COX16: variants seen among roughly 807,000 people sequenced by gnomAD.
COX16 encodes cytochrome c oxidase assembly protein COX16 homolog, mitochondrial.
A neutral mutation model predicts 15.4 loss-of-function variants in COX16; 12 were observed. That is an observed-to-expected ratio of 0.78 (90% CI 0.50 to 1.26). COX16 has a LOEUF of 1.26. Among genes scored for constraint, COX16 ranks in the 50% most tolerant of loss-of-function variants. The pLI, the probability that COX16 is intolerant of heterozygous loss-of-function variation, is 0.00. For synonymous variants in COX16, 46 were observed against 41.1 expected, an observed-to-expected ratio of 1.12 and a Z score of -0.46; for missense variants, 124 against 127.6, an observed-to-expected ratio of 0.97 and a Z score of 0.14.
chr14:70,341,430 C>T (rs1886620220), intron 2 of COX16, among the ~76,000 whole-genome samples: 1 of 152,104 alleles, frequency 6.6e-6, no homozygotes, highest in African/African-American at 2.4e-5. Context: ...TAATAAAATA[C>T]ATATATTACT....
intron 1 of COX16, among the ~76,000 whole-genome samples, chr14:70,352,256 G>A (rs962607920): frequency 1.1e-4 from 16 of 152,152 alleles, no homozygotes; most frequent in South Asian, 6.2e-4. Context: ...GAGCGATCTC[G>A]GCTCACTGCA....
rs375988973 is a variant in COX16, at chr14:70,359,349, G to A, written c.69+170C>T. On this transcript the variant is annotated intron_variant, in intron 1 of 3. Transcript: ENST00000389912. ...GACAGCGGCGGGGAAGTGGGGGTGT[G>A]GAAAAGACTGGTGGAAGAGCTTTTA... The A allele has an allele frequency of 5.4e-4, 371 of 685,424 alleles. 1 individual carries two copies. In the African/African-American group the frequency reaches 6.0e-3, roughly 11 times the overall value. The allele number at this position is 685,424 out of a possible 1,614,324, so 42.5% of individuals were successfully genotyped here.
intron 3 of COX16, 37 bp downstream of exon 3, chr14:70,329,137 A>G (rs1769615207): frequency 1.0e-5 from 16 of 1,562,356 alleles, no homozygotes; most frequent in Non-Finnish European, 1.4e-5. Flanking sequence ...CCAGTAACTG[A>G]TTGTTATAAG....
intron 1 of COX16, among the ~76,000 whole-genome samples, chr14:70,346,448 G>C (rs1417392091): frequency 1.3e-5 from 2 of 152,170 alleles, no homozygotes; most frequent in African/African-American, 4.8e-5. Context: ...CCCAAATCCA[G>C]GTAAGCCCAC....
intron 2 of COX16, among the ~76,000 whole-genome samples, chr14:70,331,652 TTGGAGCCTTAACA>T (rs1283240050): frequency 1.3e-5 from 2 of 152,212 alleles, no homozygotes; most frequent in African/African-American, 4.8e-5. Flanking sequence ...TACAAAGTAT[TTGGAGCCTTAACA>T]ATAAATTGCT....
intron 1 of COX16, among the ~76,000 whole-genome samples, chr14:70,350,910 T>C (rs12879256): frequency 0.072 from 10,898 of 152,324 alleles, 555 homozygotes; most frequent in Non-Finnish European, 0.11. Flanking sequence ...TCAAAGCAGC[T>C]AACTGAAAAC....
In COX16 at chr14:70,339,795, C is replaced by G. The variant is rs150209786; in HGVS notation, c.141+2863G>C. Among the ~76,000 whole-genome samples the G allele has an allele frequency of 1.5e-4, 23 of 152,342 alleles. No individual in the cohort carries two copies. The East Asian group carries it at 3.9e-3, about 26-fold the overall frequency. Reference sequence around the variant, plus strand: ...CCTGAGTTTGACTTTTCAACATCATCAACCAACCTCGGCCTCTAAATGTCA... The same window carrying G: ...CCTGAGTTTGACTTTTCAACATCATGAACCAACCTCGGCCTCTAAATGTCA... On this transcript the variant is annotated intron_variant, in intron 2 of 3. Coordinates refer to ENST00000389912, the MANE Select transcript of COX16 (RefSeq NM_016468.7).
chr14:70,330,610 T>C (rs558111811), intron 2 of COX16, among the ~76,000 whole-genome samples: 4 of 152,278 alleles, frequency 2.6e-5, no homozygotes, highest in African/African-American at 7.2e-5. Flanking sequence ...AAAGACAGCA[T>C]ACCATGATCA....
At chr14:70,345,472 C>T (rs967645800) in intron 1 of COX16, among the ~76,000 whole-genome samples, 3 of 152,192 alleles carry the variant, frequency 2.0e-5, no homozygotes, top group East Asian at 1.9e-4. Context: ...CTCCGGTCCT[C>T]CATTCCAAAC....
intron 2 of COX16, among the ~76,000 whole-genome samples, chr14:70,331,308 G>C (rs2332420): frequency 0.87 from 132,465 of 152,160 alleles, 57,725 homozygotes; most frequent in East Asian, 0.93. Flanking sequence ...ACCCAACCAA[G>C]TGTATTAAAC....
chr14:70,332,187 AC>A (rs1886311430), intron 2 of COX16, among the ~76,000 whole-genome samples: 2 of 152,218 alleles, frequency 1.3e-5, no homozygotes, highest in Admixed American at 1.3e-4. Context: ...ATTGGTCTTG[AC>A]AGTGAGCCTG....
chr14:70,357,133 C>A (rs1887147272), intron 1 of COX16, among the ~76,000 whole-genome samples: 1 of 101,768 alleles, frequency 9.8e-6, no homozygotes, highest in African/African-American at 3.9e-5. Flanking sequence ...CTAGTATGAA[C>A]AGACTTCTCC....
At chr14:70,353,781 G>A (rs1887042456) in intron 1 of COX16, among the ~76,000 whole-genome samples, 1 of 152,016 alleles carries the variant, frequency 6.6e-6, no homozygotes, top group East Asian at 1.9e-4. Flanking sequence ...CCAAAGTGCT[G>A]GGATTACAGG....
At chr14:70,333,640 AAG>A (rs1400704119) in intron 2 of COX16, among the ~76,000 whole-genome samples, 1 of 152,244 alleles carries the variant, frequency 6.6e-6, no homozygotes, top group Non-Finnish European at 1.5e-5. Flanking sequence ...AGTGGGAACT[AAG>A]AAAGACAAAG....
chr14:70,359,602 A>G lies in COX16; in HGVS notation c.-15T>C. The G allele has an allele frequency of 6.2e-7, 1 of 1,613,594 alleles. No individual in the cohort carries two copies. The highest frequency in any genetic ancestry group is 8.5e-7 in the Non-Finnish European group (1 of 1,179,600). ...GGTGCAAACATGAGTGAACTCTTCC[A>G]TCGGCTCAGAACTCCAAGCGGGCCT... On this transcript the variant is annotated 5_prime_UTR_variant, in exon 1 of 4. The change abolishes an upstream ATG in the 5' untranslated region. Transcript: ENST00000389912.
At chr14:70,342,606 C>G in intron 2 of COX16, 52 bp downstream of exon 2, 1 of 1,568,956 alleles carries the variant, frequency 6.4e-7, no homozygotes, top group Non-Finnish European at 8.6e-7. Flanking sequence ...TTCTCCTAAA[C>G]CAGAACATAC....
At chr14:70,332,040 G>A (rs575426224) in intron 2 of COX16, among the ~76,000 whole-genome samples, 1 of 152,346 alleles carries the variant, frequency 6.6e-6, no homozygotes, top group Middle Eastern at 3.4e-3. Flanking sequence ...TTCAAGCCTG[G>A]AAACAGCCCA....
intron 2 of COX16, among the ~76,000 whole-genome samples, chr14:70,342,338 C>G (rs144571381): frequency 6.6e-6 from 1 of 151,984 alleles, no homozygotes; most frequent in Non-Finnish European, 1.5e-5. Context: ...CTCAGCTACT[C>G]GGGAGGCTGA....
chr14:70,359,093 G>C, intron 1 of COX16: 1 of 431,902 alleles, frequency 2.3e-6, no homozygotes. Context: ...AATACATCTA[G>C]TCCCAATGAT....
Sources: gnomAD v4.1 joint callset for allele counts (sites outside exome capture counted in the v4.1 genomes callset) on GRCh38, gnomAD v4.1.1 for gene constraint, MANE v1.5 for transcripts, NCBI Gene and HGNC (gene_info 2026-07-23, HGNC 2026-07-21) for gene names.